The following FAM221A variants were observed in gnomAD, a reference collection of about 807,000 sequenced individuals.
The protein encoded by FAM221A is family with sequence similarity 221 member A.
A neutral mutation model predicts 37.6 loss-of-function variants in FAM221A; 43 were observed. The ratio of observed to expected loss-of-function variants is 1.15; its 90% CI spans 0.90 to 1.48. The LOEUF is 1.48. Among genes scored for constraint, FAM221A ranks in the 40% most tolerant of loss-of-function variants. FAM221A has a pLI of 0.00. For synonymous variants in FAM221A, 135 were observed against 132.9 expected (o/e 1.02, Z -0.11); for missense variants, 361 against 361.5 (o/e 1.00, Z 0.01).
At chr7:23,685,297 CAAAA>C (rs1562517087) in intron 2 of FAM221A, among the ~76,000 whole-genome samples, 2 of 150,632 alleles carry the variant, frequency 1.3e-5, no homozygotes, top group Admixed American at 6.6e-5. Flanking sequence ...CAAAACAAAA[CAAAA>C]CAAAACCCCA....
At chr7:23,698,781 A>C (rs909967244) in intron 5 of FAM221A, among the ~76,000 whole-genome samples, 1 of 152,218 alleles carries the variant, frequency 6.6e-6, no homozygotes, top group African/African-American at 2.4e-5. Flanking sequence ...GGTATTTAAA[A>C]TTTAGTATTT....
intron 4 of FAM221A, chr7:23,692,542 A>C (rs1414547481): frequency 2.8e-6 from 1 of 357,618 alleles, no homozygotes; most frequent in Non-Finnish European, 3.9e-6. Flanking sequence ...GGGTTTCTCC[A>C]TGTTGGTCAG....
At chr7:23,680,854 C>T (rs534048828) in intron 1 of FAM221A, 1 of 152,584 alleles carries the variant, frequency 6.6e-6, no homozygotes. Context: ...TTTCCGCTTC[C>T]TGGGGTTTTT....
At chr7:23,682,854 TC>T (rs1784139194) in intron 1 of FAM221A, among the ~76,000 whole-genome samples, 1 of 152,224 alleles carries the variant, frequency 6.6e-6, no homozygotes, top group Non-Finnish European at 1.5e-5. Context: ...TCCGTATTTA[TC>T]TTAAGATCTT....
In FAM221A at chr7:23,696,351, A is replaced by C. The variant is rs930177070; in HGVS notation, c.638-1841A>C. 3.3e-5 allele frequency among the ~76,000 whole-genome samples: 5 copies of C among 152,346 alleles called. No homozygotes were observed. In the South Asian group the frequency reaches 8.3e-4, roughly 25 times the overall value. On this transcript the variant is annotated intron_variant, in intron 4 of 6. Transcript: ENST00000344962. ...GGCAGGCAGATCGCTTGAGCCCAGGAGTTTGAGACCAGCCTAGGCAACATG... is the reference window on the plus strand; with the variant it reads ...GGCAGGCAGATCGCTTGAGCCCAGGCGTTTGAGACCAGCCTAGGCAACATG...
intron 4 of FAM221A, among the ~76,000 whole-genome samples, chr7:23,691,875 A>G (rs908002080): frequency 8.5e-5 from 13 of 152,174 alleles, no homozygotes; most frequent in Middle Eastern, 3.2e-3. Context: ...TTCCATCCCA[A>G]TACTTGTACT....
intron 4 of FAM221A, chr7:23,694,570 G>T (rs1562525927): frequency 6.6e-6 from 1 of 152,222 alleles, no homozygotes; most frequent in Non-Finnish European, 1.5e-5. Flanking sequence ...TGTACTACCA[G>T]CAGTTGTTTG....
Position 23,702,243 on chromosome 7 carries a change from C to A in FAM221A, c.*79C>A. ...AAATGTAATAATACAGTTTATTTTT[C>A]CTGAAATTATTTACTTTTTTTTTTT... is the stretch of plus-strand genomic sequence containing the variant. On this transcript the variant is annotated 3_prime_UTR_variant, in exon 7 of 7. Coordinates refer to ENST00000344962, the MANE Select transcript of FAM221A (RefSeq NM_199136.5). 1 of 902,778 alleles carries A rather than the reference C, an allele frequency of 1.1e-6. No homozygotes were observed. Among genetic ancestry groups the A allele is most frequent in the Non-Finnish European group, 1.6e-6 (1 of 631,750 alleles). 55.9% of individuals were successfully genotyped at this position (902,778 alleles called of 1,614,324 possible). A position where few individuals can be genotyped will look rare whatever the true frequency, so the allele number is the denominator to read the frequency against.
At chr7:23,695,411 T>A (rs1424239586) in intron 4 of FAM221A, among the ~76,000 whole-genome samples, 3 of 152,246 alleles carry the variant, frequency 2.0e-5, no homozygotes, top group Non-Finnish European at 4.4e-5. Flanking sequence ...TGAGATGGAA[T>A]CTTGCTCTGT....
intron 4 of FAM221A, chr7:23,692,641 C>T: frequency 1.0e-6 from 1 of 984,242 alleles, no homozygotes; most frequent in Non-Finnish European, 1.2e-6. Context: ...CACGCCAGGC[C>T]CATACGAGTA....
At chr7:23,693,969 T>G (rs1034618673) in intron 4 of FAM221A, 7 of 152,260 alleles carry the variant, frequency 4.6e-5, no homozygotes, top group African/African-American at 1.7e-4. Context: ...ATTAGCTATT[T>G]GTCCTAATGC....
chr7:23,698,867 G>T (rs565513307), intron 5 of FAM221A, among the ~76,000 whole-genome samples: 1 of 152,020 alleles, frequency 6.6e-6, no homozygotes, highest in Non-Finnish European at 1.5e-5. Flanking sequence ...GAATTTTAAG[G>T]CTGCTTGCCT....
At chr7:23,684,437 G>C (rs1212481059) in intron 1 of FAM221A, 62 bp from the exon 2 acceptor site, 6 of 1,136,202 alleles carry the variant, frequency 5.3e-6, no homozygotes, top group African/African-American at 1.9e-5. Context: ...CAGTGGCCTG[G>C]TCATAGCTCA....
chr7:23,683,435 A>G (rs1350125807), intron 1 of FAM221A, among the ~76,000 whole-genome samples: 3 of 152,198 alleles, frequency 2.0e-5, no homozygotes, highest in African/African-American at 7.2e-5. Flanking sequence ...GGAGACAGGT[A>G]TGGAAATTAG....
Position 23,702,257 on chromosome 7 carries a change from C to CT in FAM221A, c.*104dup, listed in dbSNP as rs200841650. The CT allele has an allele frequency of 0.097, 57,390 of 594,308 alleles. 428 individuals carry two copies. Among genetic ancestry groups the CT allele is most frequent in the East Asian group, 0.18 (4,253 of 23,952 alleles). The allele number at this position is 594,308 out of a possible 1,614,324, so 36.8% of individuals were successfully genotyped here. A position where few individuals can be genotyped will look rare whatever the true frequency, so the allele number is the denominator to read the frequency against. On this transcript the variant is annotated 3_prime_UTR_variant, in exon 7 of 7. Coordinates refer to ENST00000344962, the MANE Select transcript of FAM221A (RefSeq NM_199136.5). ...AGTTTATTTTTCCTGAAATTATTTA[C>CT]TTTTTTTTTTTACTGTATAAATGTC...
At chr7:23,689,523 C>T (rs536299854) in intron 3 of FAM221A, 64 bp downstream of exon 3, 36 of 1,263,752 alleles carry the variant, frequency 2.8e-5, no homozygotes, top group Middle Eastern at 2.8e-4. Context: ...GAATATTTAA[C>T]GTGCTTTTTT....
chr7:23,698,389 A>G, intron 5 of FAM221A, 90 bp downstream of exon 5: 1 of 721,060 alleles, frequency 1.4e-6, no homozygotes, highest in Non-Finnish European at 2.4e-6. Context: ...TCTTTTTTTC[A>G]TTATTACGAT....
intron 2 of FAM221A, chr7:23,686,246 G>A (rs1457822444): frequency 1.4e-5 from 6 of 428,360 alleles, no homozygotes; most frequent in Admixed American, 2.7e-5. Context: ...GGACTTGAAC[G>A]TCAGAATTGA....
At chr7:23,695,581 C>T (rs546365034) in intron 4 of FAM221A, among the ~76,000 whole-genome samples, 4 of 152,202 alleles carry the variant, frequency 2.6e-5, no homozygotes, top group South Asian at 2.1e-4. Flanking sequence ...CCATGTTGGC[C>T]AGGCTGGTCT....
Sources: allele counts gnomAD v4.1 joint callset (sites outside exome capture counted in the v4.1 genomes callset), GRCh38; gene constraint gnomAD v4.1.1; transcripts MANE v1.5; gene names NCBI Gene and HGNC (gene_info 2026-07-23, HGNC 2026-07-21).